Variants in WWOX observed in about 807,000 individuals in gnomAD.
WWOX encodes WW domain containing oxidoreductase.
In WWOX, 69 loss-of-function variants were observed where a neutral mutation model predicts 46.2. The ratio of observed to expected loss-of-function variants is 1.49; its 90% CI spans 1.23 to 1.82. The LOEUF (loss-of-function observed/expected upper bound fraction) is 1.82, where lower values mean the gene tolerates loss of function less well. Ranked by LOEUF, WWOX falls within the 40% of genes most tolerant of loss-of-function variation. The probability of loss-of-function intolerance (pLI) is 0.00; values close to 1 mark genes in which losing one functional copy is unlikely to be tolerated. For missense variants in WWOX, 919 were observed against 542.6 expected (o/e 1.69, Z -6.89); for synonymous variants, 359 against 202.6 (o/e 1.77, Z -6.56).
At chr16:78,770,187 C>T (rs920080364) in intron 8 of WWOX, among the ~76,000 whole-genome samples, 2 of 152,046 alleles carry the variant, frequency 1.3e-5, no homozygotes, top group Non-Finnish European at 2.9e-5. Flanking sequence ...CCCGTCTCTA[C>T]TAAAAATACA....
intron 8 of WWOX, among the ~76,000 whole-genome samples, chr16:78,446,604 T>C (rs1040605681): frequency 4.0e-5 from 6 of 151,796 alleles, no homozygotes; most frequent in Admixed American, 2.0e-4. Flanking sequence ...AAATTACTTA[T>C]GATATGTTTT....
intron 5 of WWOX, among the ~76,000 whole-genome samples, chr16:78,365,590 T>A (rs1258508163): frequency 2.6e-5 from 4 of 152,340 alleles, no homozygotes; most frequent in Middle Eastern, 3.4e-3. Context: ...ATCATAGTGT[T>A]GCTTGTAATT....
At chr16:78,289,075 T>TGA (rs1567479846) in intron 5 of WWOX, among the ~76,000 whole-genome samples, 1 of 152,128 alleles carries the variant, frequency 6.6e-6, no homozygotes, top group East Asian at 1.9e-4. Flanking sequence ...GGTGCCAGGC[T>TGA]GAAATGGAGT....
chr16:78,223,155 C>T (rs2036946433), intron 5 of WWOX, among the ~76,000 whole-genome samples: 1 of 152,182 alleles, frequency 6.6e-6, no homozygotes, highest in Non-Finnish European at 1.5e-5. Context: ...TATTGCCTTT[C>T]TCACTGTGTA....
At chr16:78,391,539 A>T (rs986340885) in intron 6 of WWOX, among the ~76,000 whole-genome samples, 3 of 152,180 alleles carry the variant, frequency 2.0e-5, no homozygotes, top group Non-Finnish European at 4.4e-5. Flanking sequence ...TGTATTGGTT[A>T]TGTATTGCCG....
At chr16:79,023,585 A>C (rs1001785405) in intron 8 of WWOX, among the ~76,000 whole-genome samples, 2 of 152,098 alleles carry the variant, frequency 1.3e-5, no homozygotes, top group Admixed American at 1.3e-4. Context: ...GTGTGTGTTA[A>C]AAAGGAATGA....
intron 5 of WWOX, among the ~76,000 whole-genome samples, chr16:78,333,398 A>T (rs1417652057): frequency 6.6e-6 from 1 of 152,088 alleles, no homozygotes; most frequent in African/African-American, 2.4e-5. Flanking sequence ...TTTAATGTTT[A>T]TATAGAAAAA....
chr16:78,849,780 G>C (rs1300584049), intron 8 of WWOX, among the ~76,000 whole-genome samples: 1 of 150,982 alleles, frequency 6.6e-6, no homozygotes. Context: ...AAAAAATAGA[G>C]TGATAGGCTG....
intron 8 of WWOX, among the ~76,000 whole-genome samples, chr16:78,913,355 C>G (rs1400048048): frequency 6.6e-6 from 1 of 151,972 alleles, no homozygotes; most frequent in African/African-American, 2.4e-5. Context: ...CAGCCATGTG[C>G]CTGAGTCTTG....
intron 5 of WWOX, among the ~76,000 whole-genome samples, chr16:78,307,827 C>T (rs970035767): frequency 6.6e-6 from 1 of 152,084 alleles, no homozygotes; most frequent in Non-Finnish European, 1.5e-5. Context: ...TACTCTTCTC[C>T]TTTTACTGAA....
intron 8 of WWOX, among the ~76,000 whole-genome samples, chr16:78,570,393 C>T (rs1000610483): frequency 2.0e-5 from 3 of 152,180 alleles, no homozygotes; most frequent in East Asian, 1.9e-4. Context: ...ACTGCAGCCT[C>T]GGTCTCCTGG....
intron 8 of WWOX, among the ~76,000 whole-genome samples, chr16:78,505,358 C>G (rs1490055590): frequency 6.6e-6 from 1 of 152,196 alleles, no homozygotes; most frequent in Non-Finnish European, 1.5e-5. Flanking sequence ...AGCCTAGTTT[C>G]TAGAATAAAG....
At chr16:78,993,447 T>A (rs2151350963) in intron 8 of WWOX, among the ~76,000 whole-genome samples, 1 of 152,302 alleles carries the variant, frequency 6.6e-6, no homozygotes, top group East Asian at 1.9e-4. Context: ...TGCGGCTGGA[T>A]AAGAGAAGAG....
At chr16:78,647,491 T>A (rs371113650) in intron 8 of WWOX, among the ~76,000 whole-genome samples, 1 of 152,160 alleles carries the variant, frequency 6.6e-6, no homozygotes, top group Admixed American at 6.5e-5. Flanking sequence ...GCAAAGCACC[T>A]TGGGGTCTGT....
chr16:78,230,621 T>G (rs2037228803), intron 5 of WWOX, among the ~76,000 whole-genome samples: 1 of 152,242 alleles, frequency 6.6e-6, no homozygotes. Flanking sequence ...GCACCTGTTG[T>G]CAGAGTTGTG....
chr16:78,640,664 C>T (rs371438315), intron 8 of WWOX, among the ~76,000 whole-genome samples: 1 of 152,138 alleles, frequency 6.6e-6, no homozygotes, highest in Non-Finnish European at 1.5e-5. Context: ...AGGGGCCGGG[C>T]ATGGTGGCTC....
intron 5 of WWOX, among the ~76,000 whole-genome samples, chr16:78,362,828 G>T (rs1483881881): frequency 1.3e-5 from 2 of 152,140 alleles, no homozygotes; most frequent in Non-Finnish European, 2.9e-5. Flanking sequence ...TCTTATGAAG[G>T]AGATACTAGT....
chr16:78,947,191 C>A (rs1450101648), intron 8 of WWOX, among the ~76,000 whole-genome samples: 2 of 151,372 alleles, frequency 1.3e-5, no homozygotes, highest in Non-Finnish European at 2.9e-5. Flanking sequence ...AACCCCATAA[C>A]AATGAAATAA....
intron 8 of WWOX, among the ~76,000 whole-genome samples, chr16:78,591,044 G>T (rs1206531813): frequency 6.6e-6 from 1 of 152,156 alleles, no homozygotes; most frequent in Non-Finnish European, 1.5e-5. Flanking sequence ...TGTGTTATCT[G>T]CCCTAGTCTG....
Sources: gnomAD v4.1 joint callset for allele counts (sites outside exome capture counted in the v4.1 genomes callset) on GRCh38, gnomAD v4.1.1 for gene constraint, MANE v1.5 for transcripts, NCBI Gene and HGNC (gene_info 2026-07-23, HGNC 2026-07-21) for gene names.